The following INSL6 variants were observed in gnomAD, a reference collection of about 807,000 sequenced individuals.
INSL6 encodes insulin-like peptide INSL6.
A neutral mutation model predicts 9.4 loss-of-function variants in INSL6; 16 were observed. The observed-to-expected ratio is 1.70, with a 90% CI of 1.15 to 2.59. INSL6 has a LOEUF of 2.59. Ranked by LOEUF, INSL6 falls within the 30% of genes most tolerant of loss-of-function variation. The probability of loss-of-function intolerance (pLI) is 0.00; values close to 1 mark genes in which losing one functional copy is unlikely to be tolerated. For missense variants in INSL6, 391 were observed against 257.3 expected (o/e 1.52, Z -3.56); for synonymous variants, 154 against 96.9 (o/e 1.59, Z -3.46).
At chr9:5,028,820 G>A in the INSL6 span, among the ~76,000 whole-genome samples, 1 of 152,146 alleles carries the variant, frequency 6.6e-6, no homozygotes. Flanking sequence ...TCACAGGTTT[G>A]AAGACAATTA....
At chr9:4,995,200 T>G in the INSL6 span, among the ~76,000 whole-genome samples, 1 of 152,250 alleles carries the variant, frequency 6.6e-6, no homozygotes, top group African/African-American at 2.4e-5. Flanking sequence ...ACTCATATCT[T>G]GGCCCACTTT....
chr9:5,133,842 G>C (rs554174492), intron 2 of INSL6, among the ~76,000 whole-genome samples: 4 of 152,070 alleles, frequency 2.6e-5, no homozygotes, highest in Admixed American at 2.6e-4. Flanking sequence ...GACTGAGAAT[G>C]AGGTTGATGA....
rs778810658 is a variant in INSL6 at position 5,185,560 on chromosome 9, G to A, written c.43C>T (p.Leu15=). The A allele has an allele frequency of 6.2e-7, 1 of 1,613,818 alleles. No homozygotes were observed. The highest frequency in any genetic ancestry group is 1.3e-5 in the African/African-American group (1 of 74,948). The change falls in exon 1 of 2, where the codon CTG becomes TTG. Residue 15 remains leucine, a synonymous_variant. Coordinates refer to ENST00000381641, the MANE Select transcript of INSL6 (RefSeq NM_007179.3). ...LRLSLLWLGL[L]LVRFSRELSD... ...AGTTCACGAGAAAACCGAACCAGCA[G>A]GAGTCCAAGCCACAGCAGGGACAAG...
chr9:5,169,522 C>T (rs1376311595), intron 1 of INSL6, among the ~76,000 whole-genome samples: 2 of 152,120 alleles, frequency 1.3e-5, no homozygotes, highest in Non-Finnish European at 2.9e-5. Context: ...TCACACATAA[C>T]AATATTAACC....
chr9:5,180,891 C>T (rs1028874727), intron 1 of INSL6, among the ~76,000 whole-genome samples: 4 of 152,156 alleles, frequency 2.6e-5, no homozygotes, highest in African/African-American at 9.7e-5. Flanking sequence ...GCTCTTTGCA[C>T]TTTGAAGCAT....
At chr9:5,103,972 G>A in the INSL6 span, among the ~76,000 whole-genome samples, 1 of 152,054 alleles carries the variant, frequency 6.6e-6, no homozygotes. Context: ...GCAGGAAAGA[G>A]CTAAAATCGA....
the INSL6 span, among the ~76,000 whole-genome samples, chr9:5,018,745 T>C: frequency 6.6e-6 from 1 of 152,224 alleles, no homozygotes; most frequent in South Asian, 2.1e-4. Flanking sequence ...AGAAAAACTA[T>C]TTTTCCTTTG....
intron 1 of INSL6, among the ~76,000 whole-genome samples, chr9:5,176,697 G>A (rs1825316022): frequency 6.9e-6 from 1 of 145,774 alleles, no homozygotes; most frequent in Non-Finnish European, 1.5e-5. Flanking sequence ...TTTAAGCCTG[G>A]GAACAAAACA....
intron 2 of INSL6, among the ~76,000 whole-genome samples, chr9:5,135,841 T>G (rs531831923): frequency 4.8e-4 from 73 of 152,108 alleles, no homozygotes; most frequent in Middle Eastern, 6.8e-3. Flanking sequence ...AGGAGCTGGT[T>G]TTTTGAAAAA....
At chr9:5,042,633 G>A in the INSL6 span, among the ~76,000 whole-genome samples, 2 of 151,514 alleles carry the variant, frequency 1.3e-5, no homozygotes, top group African/African-American at 4.9e-5. Context: ...GCGTCATAAA[G>A]TCCAGCTTGT....
chr9:5,164,249 T>C lies in INSL6; in HGVS notation c.306A>G (p.Glu102=). 1.9e-6 allele frequency: 3 copies of C among 1,604,624 alleles called. No individual in the cohort carries two copies. The highest frequency in any genetic ancestry group is 1.1e-5 in the South Asian group (1 of 89,250). ...RGTNPVSTSW[E]EAVNSWEMQS... Reference sequence around the variant, plus strand: ...GCATTTCCCAACTGTTTACTGCTTCTTCCCAAGAAGTAGACACTGTTGAGA... The same window carrying C: ...GCATTTCCCAACTGTTTACTGCTTCCTCCCAAGAAGTAGACACTGTTGAGA... The change falls in exon 2 of 2, where the codon GAA becomes GAG. Residue 102 remains glutamate (E), a synonymous_variant. Transcript: ENST00000381641.
chr9:5,031,576 A>G, the INSL6 span, among the ~76,000 whole-genome samples: 2 of 152,220 alleles, frequency 1.3e-5, no homozygotes, highest in African/African-American at 4.8e-5. Context: ...AGATTGATTA[A>G]AGATCAGATT....
At chr9:5,114,249 AC>A in the INSL6 span, 1 of 535,196 alleles carries the variant, frequency 1.9e-6, no homozygotes, top group Non-Finnish European at 3.7e-6. Flanking sequence ...GCCCACAATC[AC>A]CTGTCTGGTG....
chr9:5,074,265 C>A, the INSL6 span, among the ~76,000 whole-genome samples: 8 of 151,782 alleles, frequency 5.3e-5, no homozygotes, highest in Non-Finnish European at 1.2e-4. Context: ...AAATCGTACC[C>A]CATGCTTTAA....
chr9:5,135,592 G>A (rs1824374575), intron 2 of INSL6, among the ~76,000 whole-genome samples: 2 of 152,090 alleles, frequency 1.3e-5, no homozygotes, highest in African/African-American at 4.8e-5. Flanking sequence ...AAGAAACAAT[G>A]TACCAGAATC....
the INSL6 span, among the ~76,000 whole-genome samples, chr9:5,030,498 T>C: frequency 6.6e-6 from 1 of 152,104 alleles, no homozygotes; most frequent in Non-Finnish European, 1.5e-5. Context: ...ATATATATAA[T>C]TCATCATAAC....
intron 1 of INSL6, among the ~76,000 whole-genome samples, chr9:5,168,490 A>C (rs1253451314): frequency 1.3e-5 from 2 of 152,222 alleles, no homozygotes; most frequent in African/African-American, 4.8e-5. Context: ...CAGAGCTTGA[A>C]GACTATCTTG....
At chr9:5,112,522 CAGA>C in the INSL6 span, 11 of 583,328 alleles carry the variant, frequency 1.9e-5, no homozygotes, top group Non-Finnish European at 1.8e-5. Context: ...CCCCCCAGAG[CAGA>C]AGGCCGAGTG....
chr9:5,100,621 G>A, the INSL6 span: 2 of 152,222 alleles, frequency 1.3e-5, no homozygotes, highest in African/African-American at 2.4e-5. Flanking sequence ...ACGCTTAGAA[G>A]TACCTTTCTG....
Sources: gnomAD v4.1 joint callset for allele counts (sites outside exome capture counted in the v4.1 genomes callset) on GRCh38, gnomAD v4.1.1 for gene constraint, MANE v1.5 for transcripts, NCBI Gene and HGNC (gene_info 2026-07-23, HGNC 2026-07-21) for gene names.